The following UGT2B10 variants were observed in gnomAD, a reference collection of about 807,000 sequenced individuals.
The protein encoded by UGT2B10 is UDP-glucuronosyltransferase 2B10.
Under a neutral mutation model 43.7 loss-of-function variants are expected in UGT2B10, and 51 were observed. The ratio of observed to expected loss-of-function variants is 1.17; its 90% CI spans 0.93 to 1.47. The LOEUF (loss-of-function observed/expected upper bound fraction) is 1.47. Among genes scored for constraint, UGT2B10 ranks in the 40% most tolerant of loss-of-function variants. The pLI, the probability that UGT2B10 is intolerant of heterozygous loss-of-function variation, is 0.00. For missense variants in UGT2B10, 696 were observed against 617.7 expected (o/e 1.13, Z -1.34); for synonymous variants, 225 against 209.0 (o/e 1.08, Z -0.66).
intron 3 of UGT2B10, among the ~76,000 whole-genome samples, chr4:68,822,888 T>C (rs1452420082): frequency 1.3e-5 from 2 of 152,146 alleles, no homozygotes; most frequent in Non-Finnish European, 2.9e-5. Flanking sequence ...AAAAGAGTTT[T>C]CCTAATCTCA....
At chr4:68,819,205 T>C (rs112487756) in intron 2 of UGT2B10, among the ~76,000 whole-genome samples, 10,376 of 152,030 alleles carry the variant, frequency 0.068, 386 homozygotes, top group Non-Finnish European at 0.093. Flanking sequence ...GTTATTAATT[T>C]TGCAATTATG....
At chr4:68,824,131 C>G (rs1737651038) in intron 3 of UGT2B10, among the ~76,000 whole-genome samples, 1 of 152,224 alleles carries the variant, frequency 6.6e-6, no homozygotes, top group Admixed American at 6.5e-5. Flanking sequence ...TCAGATACTT[C>G]CTCTACATTT....
chr4:68,822,396 A>T lies in UGT2B10; in HGVS notation c.993A>T (p.Pro331=). The T allele has an allele frequency of 6.2e-7, 1 of 1,613,606 alleles. No individual in the cohort carries two copies. The highest frequency in any genetic ancestry group is 1.1e-5 in the South Asian group (1 of 91,048). The change falls in exon 3 of 6, where the codon CCA becomes CCT. Residue 331 remains proline (P), a synonymous_variant. Transcript: ENST00000265403. The part of the protein sequence containing the change: ...NVIATALAKI[P]QKVLWRFDGN... The stretch of plus-strand genomic sequence containing the variant: ...TTGCAACAGCCCTTGCCAAGATCCC[A>T]CAAAAGGTAAGATAAAGTGCCTTAC...
Position 68,827,452 on chromosome 4 carries a change from A to G in UGT2B10, c.1211A>G (p.His404Arg). 1.9e-6 allele frequency: 3 copies of G among 1,613,644 alleles called. No individual in the cohort carries two copies. Among genetic ancestry groups the G allele is most frequent in the Non-Finnish European group, 2.5e-6 (3 of 1,179,674 alleles). Residue 404 changes from histidine (H) to arginine (R), a missense_variant, in exon 5 of 6, where the codon CAC becomes CGC. Transcript: ENST00000265403. The part of the protein sequence containing the change: ...LFFDQPDNIA[H>R]MKAKGAAVRV... Reference sequence around the variant, plus strand: ...TTTGATCAACCTGATAATATTGCTCACATGAAGGCCAAGGGAGCAGCTGTT... The same window carrying G: ...TTTGATCAACCTGATAATATTGCTCGCATGAAGGCCAAGGGAGCAGCTGTT...
chr4:68,825,231 G>A (rs1487688528), intron 3 of UGT2B10, among the ~76,000 whole-genome samples: 1 of 85,148 alleles, frequency 1.2e-5, no homozygotes, highest in Non-Finnish European at 2.4e-5. Flanking sequence ...AAACATATAG[G>A]TCATTACTAA....
intron 5 of UGT2B10, among the ~76,000 whole-genome samples, chr4:68,830,101 C>T (rs995187076): frequency 1.1e-4 from 17 of 151,966 alleles, no homozygotes; most frequent in African/African-American, 3.1e-4. Context: ...ATCTTTCTTG[C>T]AGCACTTAAA....
intron 4 of UGT2B10, 37 bp downstream of exon 4, chr4:68,826,534 A>C: frequency 6.3e-7 from 1 of 1,586,178 alleles, no homozygotes; most frequent in Non-Finnish European, 8.6e-7. Flanking sequence ...TATATTAGTA[A>C]CTGCACATTA....
At position 68,826,783 on chromosome 4, in the gene UGT2B10, T is replaced by A. The variant is rs576258927; in HGVS notation, c.1087+286T>A. ...TCCTGGGCTGTCCCTCTGTCTCCTG[T>A]TTCTACAACTTTACACCTGTTTTCT... is the stretch of plus-strand genomic sequence containing the variant. On this transcript the variant is annotated intron_variant, in intron 4 of 5. Coordinates refer to ENST00000265403, the MANE Select transcript of UGT2B10 (RefSeq NM_001075.6). Among the ~76,000 whole-genome samples the A allele has an allele frequency of 2.0e-5, 3 of 152,238 alleles. No individual in the cohort carries two copies. In the South Asian group the frequency reaches 6.2e-4, roughly 32 times the overall value.
At chr4:68,824,722 C>CTTA (rs1737683577) in intron 3 of UGT2B10, among the ~76,000 whole-genome samples, 1 of 152,084 alleles carries the variant, frequency 6.6e-6, no homozygotes, top group Non-Finnish European at 1.5e-5. Context: ...AAATTAGTAA[C>CTTA]AACATAAAAA....
At chr4:68,825,294 CT>C (rs544230492) in intron 3 of UGT2B10, among the ~76,000 whole-genome samples, 76 of 151,068 alleles carry the variant, frequency 5.0e-4, no homozygotes, top group African/African-American at 1.5e-3. Context: ...ATTTTTTATA[CT>C]TTTTTTATAA....
At chr4:68,822,497 C>A (rs1239266106) in intron 3 of UGT2B10, 95 bp downstream of exon 3, 1 of 1,590,930 alleles carries the variant, frequency 6.3e-7, no homozygotes, top group African/African-American at 1.4e-5. Flanking sequence ...GTAGACTGAA[C>A]TATTTATAGC....
At chr4:68,825,345 CT>C (rs1737720460) in intron 3 of UGT2B10, among the ~76,000 whole-genome samples, 1 of 150,152 alleles carries the variant, frequency 6.7e-6, no homozygotes, top group African/African-American at 2.4e-5. Context: ...TTATTTTTAA[CT>C]TTTATTTTAA....
intron 4 of UGT2B10, 30 bp from the exon 5 acceptor site, chr4:68,827,299 A>G (rs1737830915): frequency 6.2e-7 from 1 of 1,612,110 alleles, no homozygotes; most frequent in Non-Finnish European, 8.5e-7. Flanking sequence ...ATTCCTATGA[A>G]TAATTTTGCT....
At chr4:68,827,627 T>C in intron 5 of UGT2B10, 79 bp downstream of exon 5, 2 of 1,563,246 alleles carry the variant, frequency 1.3e-6, no homozygotes, top group Non-Finnish European at 8.7e-7. Flanking sequence ...GTTTCATCCT[T>C]TTTATAAGAG....
chr4:68,821,802 G>A (rs1360143874), intron 2 of UGT2B10, among the ~76,000 whole-genome samples: 2 of 152,104 alleles, frequency 1.3e-5, no homozygotes, highest in African/African-American at 4.8e-5. Flanking sequence ...CATAGTTAGG[G>A]AAGTAAACCA....
At chr4:68,825,061 T>C (rs1345148395) in intron 3 of UGT2B10, among the ~76,000 whole-genome samples, 1 of 152,112 alleles carries the variant, frequency 6.6e-6, no homozygotes, top group African/African-American at 2.4e-5. Flanking sequence ...TAGCTTATTT[T>C]ATAGACTTGC....
At position 68,826,358 on chromosome 4, in the gene UGT2B10, T is replaced by C. The variant is rs944398301; in HGVS notation, c.1000-52T>C. The C allele has an allele frequency of 2.3e-4, 354 of 1,560,268 alleles. 5 individuals carry two copies. The highest frequency in any genetic ancestry group is 1.9e-3 in the South Asian group (163 of 86,286). On this transcript the variant is annotated intron_variant, in intron 3 of 5. Transcript: ENST00000265403. ...TACTCTTTTTACAGTTCTAACATTT[T>C]ATAACTTTTGAGTTCCACTCGTGGA...
rs765655617 is a variant in UGT2B10 at position 68,827,587 on chromosome 4, G to C, written c.1307+39G>C. 3.1e-6 allele frequency: 5 copies of C among 1,609,872 alleles called. No homozygotes were observed. In the South Asian group the frequency reaches 3.3e-5, roughly 11 times the overall value. ...TATTTTTCACTAGATGGTATTAATA[G>C]ATAGCTTTTCTTGTCAGTAGTGAGC... On this transcript the variant is annotated intron_variant, in intron 5 of 5. Transcript: ENST00000265403.
At chr4:68,827,578 G>C (rs776773001) in intron 5 of UGT2B10, 30 bp downstream of exon 5, 4 of 1,610,592 alleles carry the variant, frequency 2.5e-6, no homozygotes, top group South Asian at 2.2e-5. Context: ...TCACTAGATG[G>C]TATTAATAGA....
Sources: gnomAD v4.1 joint callset for allele counts (sites outside exome capture counted in the v4.1 genomes callset) on GRCh38, gnomAD v4.1.1 for gene constraint, MANE v1.5 for transcripts, NCBI Gene and HGNC (gene_info 2026-07-23, HGNC 2026-07-21) for gene names.